CDH23: variants seen among roughly 807,000 people sequenced by gnomAD.
CDH23 encodes cadherin related 23.
CDH23 carries 189 observed loss-of-function variants against 317.1 expected under a neutral mutation model. The ratio of observed to expected loss-of-function variants is 0.60; its 90% CI spans 0.53 to 0.67. The LOEUF is 0.67. Among genes scored for constraint, CDH23 ranks in the 30% least tolerant of loss-of-function variants. The pLI, the probability that CDH23 is intolerant of heterozygous loss-of-function variation, is 0.00. For missense variants in CDH23, 4,401 were observed against 4,592.4 expected, an observed-to-expected ratio of 0.96 and a Z score of 1.20; for synonymous variants, 1,839 against 1,876.8, an observed-to-expected ratio of 0.98 and a Z score of 0.52.
intron 9 of CDH23, among the ~76,000 whole-genome samples, chr10:71,592,650 C>CCA (rs1859572002): frequency 6.6e-6 from 1 of 152,158 alleles, no homozygotes; most frequent in Admixed American, 6.5e-5. Flanking sequence ...CATTTAGGGC[C>CCA]CACCCAGACA....
intron 14 of CDH23, among the ~76,000 whole-genome samples, chr10:71,669,401 T>TA (rs1864048365): frequency 6.6e-6 from 1 of 152,144 alleles, no homozygotes; most frequent in African/African-American, 2.4e-5. Context: ...TGCCTGGAAT[T>TA]ACATTACTTA....
chr10:71,622,793 T>G, intron 11 of CDH23: 11 of 263,502 alleles, frequency 4.2e-5, no homozygotes, highest in Middle Eastern at 1.9e-3. Context: ...CTGCTGTCCT[T>G]GAGAATATTT....
At chr10:71,735,816 TGTGATG>T (rs770070614) in intron 34 of CDH23, among the ~76,000 whole-genome samples, 13 of 152,148 alleles carry the variant, frequency 8.5e-5, no homozygotes, top group Admixed American at 5.9e-4. Context: ...TGAGTGAGGC[TGTGATG>T]GGCAAGAAGT....
Position 71,799,282 on chromosome 10 carries a change from T to C in CDH23, c.7224+2T>C. 1.9e-6 allele frequency: 3 copies of C among 1,614,002 alleles called. No individual in the cohort carries two copies. Among genetic ancestry groups the C allele is most frequent in the Non-Finnish European group, 2.5e-6 (3 of 1,179,868 alleles). On this transcript the variant is annotated splice_donor_variant, in intron 51 of 69. Coordinates refer to ENST00000224721, the MANE Select transcript of CDH23 (RefSeq NM_022124.6). LOFTEE classifies it high-confidence loss of function. ...ATCTTTGACCAGCCCTCCTACCAGG[T>C]GGGTGGCCAGGCCACAGGCTGGGTC...
At chr10:71,629,022 G>C (rs1354254834) in intron 11 of CDH23, among the ~76,000 whole-genome samples, 1 of 152,246 alleles carries the variant, frequency 6.6e-6, no homozygotes, top group African/African-American at 2.4e-5. Context: ...CACACAGGTA[G>C]CAGGCGCCCA....
At chr10:71,581,832 C>T (rs998399709) in intron 9 of CDH23, among the ~76,000 whole-genome samples, 3 of 152,214 alleles carry the variant, frequency 2.0e-5, no homozygotes, top group African/African-American at 7.2e-5. Context: ...TCAACAGACA[C>T]CCCCTCTGGC....
intron 15 of CDH23, among the ~76,000 whole-genome samples, chr10:71,676,541 G>A (rs1864378480): frequency 6.6e-6 from 1 of 152,078 alleles, no homozygotes. Context: ...GCAGGAGACT[G>A]GTATGAACCT....
chr10:71,660,517 A>G (rs1224391230), intron 14 of CDH23, among the ~76,000 whole-genome samples: 1 of 152,012 alleles, frequency 6.6e-6, no homozygotes, highest in African/African-American at 2.4e-5. Flanking sequence ...AAGCTACAGG[A>G]TGGAGGAAAT....
At chr10:71,622,405 G>A (rs1022996894) in intron 11 of CDH23, among the ~76,000 whole-genome samples, 1 of 152,038 alleles carries the variant, frequency 6.6e-6, no homozygotes, top group Non-Finnish European at 1.5e-5. Context: ...TTTGTTGCGC[G>A]GGTTGGAATT....
Position 71,810,039 on chromosome 10 carries a change from A to G in CDH23, c.8942A>G (p.Asn2981Ser), listed in dbSNP as rs1464625313. The G allele has an allele frequency of 6.2e-7, 1 of 1,612,602 alleles. No individual in the cohort carries two copies. Among genetic ancestry groups the G allele is most frequent in the Non-Finnish European group, 8.5e-7 (1 of 1,179,880 alleles). The stretch of plus-strand genomic sequence containing the variant: ...GAGGAGTTCATCCACCTGCTCTCCA[A>G]CATCACTGGGGCCATTGTCAATACT... Reference protein sequence around the residue: ...FEEEFIHLLSNITGAIVNTDN... With the variant: ...FEEEFIHLLSSITGAIVNTDN... Residue 2981 changes from asparagine to serine, a missense_variant, in exon 61 of 70, where the codon AAC (asparagine) becomes AGC (serine). Asn to Ser is a conservative substitution (Grantham distance 46, BLOSUM62 1). Transcript: ENST00000224721.
intron 9 of CDH23, among the ~76,000 whole-genome samples, chr10:71,589,407 C>T (rs1394930244): frequency 6.6e-6 from 1 of 152,182 alleles, no homozygotes; most frequent in Admixed American, 6.5e-5. Flanking sequence ...CGTGAGCCAC[C>T]GTGCCCAGCC....
chr10:71,577,127 C>G (rs1858265741), intron 8 of CDH23, among the ~76,000 whole-genome samples: 1 of 152,176 alleles, frequency 6.6e-6, no homozygotes, highest in Non-Finnish European at 1.5e-5. Context: ...CCATGTGAGC[C>G]ATATGTGTAT....
intron 3 of CDH23, among the ~76,000 whole-genome samples, chr10:71,468,103 A>G (rs539356080): frequency 6.6e-6 from 1 of 152,196 alleles, no homozygotes; most frequent in African/African-American, 2.4e-5. Flanking sequence ...CTTGCTGTCC[A>G]CCTGTGACCT....
chr10:71,609,643 C>G (rs1860741141), intron 9 of CDH23, among the ~76,000 whole-genome samples: 1 of 152,238 alleles, frequency 6.6e-6, no homozygotes, highest in African/African-American at 2.4e-5. Flanking sequence ...TCCCATCTAC[C>G]TCTCTGGCCA....
At chr10:71,645,204 G>A (rs1268873255) in intron 12 of CDH23, among the ~76,000 whole-genome samples, 3 of 152,218 alleles carry the variant, frequency 2.0e-5, no homozygotes, top group African/African-American at 4.8e-5. Context: ...GTGATGGGGT[G>A]GCCACCCTGT....
intron 38 of CDH23, chr10:71,750,334 G>GT (rs1210915907): frequency 1.3e-5 from 2 of 151,970 alleles, no homozygotes; most frequent in Admixed American, 6.6e-5. Context: ...TCCCCATGTA[G>GT]TTTTTAATAG....
At chr10:71,795,991 C>T (rs1296028623) in intron 48 of CDH23, 14 of 985,870 alleles carry the variant, frequency 1.4e-5, no homozygotes, top group South Asian at 1.4e-4. Flanking sequence ...TGAATGCAGC[C>T]GCCCTCTCCC....
chr10:71,436,917 C>A (rs1849648610), intron 1 of CDH23, among the ~76,000 whole-genome samples: 1 of 152,198 alleles, frequency 6.6e-6, no homozygotes, highest in Non-Finnish European at 1.5e-5. Flanking sequence ...GGTTTCTCCA[C>A]TTGTAAATCA....
At chr10:71,400,290 T>C (rs1281325254) in intron 1 of CDH23, among the ~76,000 whole-genome samples, 2 of 152,170 alleles carry the variant, frequency 1.3e-5, no homozygotes, top group Non-Finnish European at 2.9e-5. Flanking sequence ...TAGCCGATGG[T>C]GTCACAGGTG....
Sources: gnomAD v4.1 joint callset for allele counts (sites outside exome capture counted in the v4.1 genomes callset) on GRCh38, gnomAD v4.1.1 for gene constraint, MANE v1.5 for transcripts, NCBI Gene and HGNC (gene_info 2026-07-23, HGNC 2026-07-21) for gene names.